Variants in TTLL5 observed in about 807,000 individuals in gnomAD.
TTLL5 encodes tubulin tyrosine ligase like 5.
In TTLL5, 132 loss-of-function variants were observed where a neutral mutation model predicts 168.4. That is an observed-to-expected ratio of 0.78 (90% CI 0.68 to 0.91). The LOEUF (loss-of-function observed/expected upper bound fraction) is 0.91, where lower values mean the gene tolerates loss of function less well. TTLL5 is among the 40% of genes least tolerant of loss of function. TTLL5 has a pLI of 0.00. For synonymous variants in TTLL5, 546 were observed against 558.6 expected, an observed-to-expected ratio of 0.98 and a Z score of 0.32; for missense variants, 1,545 against 1,581.5, an observed-to-expected ratio of 0.98 and a Z score of 0.39.
intron 27 of TTLL5, chr14:75,818,441 T>C (rs1214044055): frequency 5.1e-6 from 2 of 392,322 alleles, no homozygotes; most frequent in Non-Finnish European, 9.7e-6. Context: ...CCACGATTTT[T>C]TTTACTTGAG....
chr14:75,808,676 G>C (rs10141812), intron 27 of TTLL5, among the ~76,000 whole-genome samples: 96,214 of 152,016 alleles, frequency 0.63, 33,193 homozygotes, highest in Admixed American at 0.75. Flanking sequence ...TTTTGCTCTA[G>C]CAAAACAGGT....
intron 9 of TTLL5, among the ~76,000 whole-genome samples, chr14:75,713,530 C>T (rs1022739191): frequency 1.3e-5 from 2 of 152,174 alleles, no homozygotes; most frequent in African/African-American, 4.8e-5. Context: ...AAACTTGGTC[C>T]TGGGGTACCT....
intron 28 of TTLL5, among the ~76,000 whole-genome samples, chr14:75,849,649 T>C (rs929139499): frequency 1.3e-5 from 2 of 152,188 alleles, no homozygotes; most frequent in Admixed American, 6.5e-5. Context: ...AAGTAAGTTA[T>C]GCTAGAGTAA....
intron 17 of TTLL5, among the ~76,000 whole-genome samples, chr14:75,752,388 GA>G (rs1254094814): frequency 6.6e-6 from 1 of 152,182 alleles, no homozygotes; most frequent in Non-Finnish European, 1.5e-5. Flanking sequence ...TGATGTTACA[GA>G]TGATCCAACT....
chr14:75,769,074 C>T (rs952755608), intron 20 of TTLL5, among the ~76,000 whole-genome samples: 8 of 152,186 alleles, frequency 5.3e-5, no homozygotes, highest in Admixed American at 2.6e-4. Flanking sequence ...ATTTGAAAAC[C>T]ACTGGACTGT....
chr14:75,661,846 T>G (rs1449111972), intron 1 of TTLL5, among the ~76,000 whole-genome samples: 1 of 152,062 alleles, frequency 6.6e-6, no homozygotes, highest in Non-Finnish European at 1.5e-5. Context: ...GCGCCGAAGA[T>G]CTTTGATCAT....
At chr14:75,854,208 C>A (rs1046343368) in intron 28 of TTLL5, among the ~76,000 whole-genome samples, 1 of 152,170 alleles carries the variant, frequency 6.6e-6, no homozygotes, top group African/African-American at 2.4e-5. Flanking sequence ...TGCCCCTCCC[C>A]ACTAGTAATC....
intron 31 of TTLL5, among the ~76,000 whole-genome samples, chr14:75,928,475 G>C (rs1425555957): frequency 3.3e-5 from 5 of 150,400 alleles, no homozygotes; most frequent in African/African-American, 9.8e-5. Context: ...AAAACACACA[G>C]ACACGCACTG....
At chr14:75,710,308 C>T (rs563198173) in intron 9 of TTLL5, 2 of 152,020 alleles carry the variant, frequency 1.3e-5, no homozygotes, top group East Asian at 3.9e-4. Context: ...TACAAATATG[C>T]AAGTGCTTTG....
intron 11 of TTLL5, 84 bp downstream of exon 11, chr14:75,719,910 G>A: frequency 2.9e-6 from 4 of 1,402,712 alleles, no homozygotes. Flanking sequence ...ATTCTCTGTT[G>A]CTTTGATAGT....
At chr14:75,788,342 A>G (rs1196333163) in intron 26 of TTLL5, among the ~76,000 whole-genome samples, 1 of 152,120 alleles carries the variant, frequency 6.6e-6, no homozygotes. Flanking sequence ...TGATTTTTTG[A>G]AAAGCCTAAT....
chr14:75,768,868 T>G (rs1891114695), intron 20 of TTLL5, among the ~76,000 whole-genome samples: 1 of 152,164 alleles, frequency 6.6e-6, no homozygotes, highest in Non-Finnish European at 1.5e-5. Context: ...GAGAATAGAA[T>G]ATGCTAAACT....
chr14:75,768,877 CTCAG>C (rs1369914322), intron 20 of TTLL5, among the ~76,000 whole-genome samples: 11 of 152,168 alleles, frequency 7.2e-5, no homozygotes, highest in African/African-American at 1.2e-4. Context: ...ATATGCTAAA[CTCAG>C]TCAGAAGACC....
In TTLL5 at chr14:75,705,861, T is replaced by C. The variant is rs576094573; in HGVS notation, c.586-1157T>C. ...TATCTAATCACATGTGAAGGTTTTT[T>C]TTTTTCTCCCAGATATTTTAATCTT... On this transcript the variant is annotated intron_variant, in intron 7 of 31. Coordinates refer to ENST00000298832, the MANE Select transcript of TTLL5 (RefSeq NM_015072.5). Among the ~76,000 whole-genome samples, 6 of 152,282 alleles carry C rather than the reference T, an allele frequency of 3.9e-5. No individual in the cohort carries two copies. In the East Asian group the frequency reaches 1.2e-3, roughly 29 times the overall value.
chr14:75,902,517 C>G, intron 31 of TTLL5: 1 of 575,458 alleles, frequency 1.7e-6, no homozygotes. Flanking sequence ...TGGTATTTCA[C>G]TGTCTATGTT....
chr14:75,932,868 G>A (rs1027444005), intron 31 of TTLL5, among the ~76,000 whole-genome samples: 6 of 152,282 alleles, frequency 3.9e-5, no homozygotes, highest in African/African-American at 7.2e-5. Context: ...CTGTGAGAGC[G>A]TTGTTGGTGT....
Position 75,799,962 on chromosome 14 carries a change from G to A in TTLL5, c.3171+6862G>A, listed in dbSNP as rs137956705. ...TGTGTCTAAGTGATTATCTTTTTGC[G>A]ATGAATTTCCCAGGTGTTCTTTGAG... On this transcript the variant is annotated intron_variant, in intron 27 of 31. Transcript: ENST00000298832. 6.2e-3 allele frequency among the ~76,000 whole-genome samples: 938 copies of A among 152,264 alleles called. 9 individuals are homozygous for A. Among genetic ancestry groups the A allele is most frequent in the African/African-American group, 0.022 (898 of 41,544 alleles).
At chr14:75,942,958 A>G (rs1006243584) in intron 31 of TTLL5, among the ~76,000 whole-genome samples, 7 of 152,240 alleles carry the variant, frequency 4.6e-5, no homozygotes, top group Non-Finnish European at 1.0e-4. Flanking sequence ...CATAAATGCC[A>G]AGTGAGTGTA....
chr14:75,663,479 A>G (rs1890884740), intron 2 of TTLL5, among the ~76,000 whole-genome samples: 1 of 152,206 alleles, frequency 6.6e-6, no homozygotes, highest in African/African-American at 2.4e-5. Flanking sequence ...TCAGCTCTAG[A>G]TGTTGTAAAA....
Sources: allele counts gnomAD v4.1 joint callset (sites outside exome capture counted in the v4.1 genomes callset), GRCh38; gene constraint gnomAD v4.1.1; transcripts MANE v1.5; gene names NCBI Gene and HGNC (gene_info 2026-07-23, HGNC 2026-07-21).